DOCK8: variants seen among roughly 807,000 people sequenced by gnomAD.
DOCK8 encodes the protein dedicator of cytokinesis protein 8.
Under a neutral mutation model 245.6 loss-of-function variants are expected in DOCK8, and 141 were observed. That is an observed-to-expected ratio of 0.57 (90% CI 0.50 to 0.66). The LOEUF is 0.66. Ranked by LOEUF, DOCK8 falls within the 30% of genes least tolerant of loss-of-function variation. The pLI, the probability that DOCK8 is intolerant of heterozygous loss-of-function variation, is 0.00. For missense variants in DOCK8, 2,965 were observed against 2,603.4 expected, an observed-to-expected ratio of 1.14 and a Z score of -3.02; for synonymous variants, 1,168 against 970.2, an observed-to-expected ratio of 1.20 and a Z score of -3.79.
intron 11 of DOCK8, 113 bp from the exon 12 acceptor site, chr9:336,469 C>A: frequency 7.2e-7 from 1 of 1,396,414 alleles, no homozygotes; most frequent in Non-Finnish European, 1.0e-6. Flanking sequence ...ACAAGGATGG[C>A]CATATTCAGT....
intron 24 of DOCK8, among the ~76,000 whole-genome samples, chr9:396,172 G>A (rs1279244994): frequency 6.6e-6 from 1 of 152,230 alleles, no homozygotes; most frequent in Non-Finnish European, 1.5e-5. Context: ...GTTCTAAATA[G>A]TGGTTCTGTT....
intron 46 of DOCK8, 76 bp downstream of exon 46, chr9:452,193 A>G: frequency 1.1e-6 from 1 of 924,090 alleles, no homozygotes. Flanking sequence ...CAGCTTCAGC[A>G]TCACCTGAGA....
intron 1 of DOCK8, among the ~76,000 whole-genome samples, chr9:255,394 G>A (rs1425185740): frequency 1.3e-5 from 2 of 152,050 alleles, no homozygotes; most frequent in East Asian, 1.9e-4. Flanking sequence ...CAGGCAGAGC[G>A]CGGTGGCTCA....
intron 2 of DOCK8, among the ~76,000 whole-genome samples, chr9:275,155 G>C (rs1053499289): frequency 6.6e-6 from 1 of 152,156 alleles, no homozygotes; most frequent in Non-Finnish European, 1.5e-5. Context: ...GCTGTCCCTA[G>C]TAGGGAATAT....
At chr9:243,992 G>T (rs553628258) in intron 1 of DOCK8, among the ~76,000 whole-genome samples, 1 of 151,990 alleles carries the variant, frequency 6.6e-6, no homozygotes, top group South Asian at 2.1e-4. Flanking sequence ...AGACCATCCT[G>T]GCTAACATGG....
rs149024372 is a variant in DOCK8, at chr9:384,870, C to T, written c.2779-1461C>T. 4.4e-3 allele frequency among the ~76,000 whole-genome samples: 664 copies of T among 152,158 alleles called. 7 individuals are homozygous for T. Among genetic ancestry groups the T allele is most frequent in the African/African-American group, 0.014 (595 of 41,514 alleles). On this transcript the variant is annotated intron_variant, in intron 22 of 47. Coordinates refer to ENST00000432829, the MANE Select transcript of DOCK8 (RefSeq NM_203447.4). ...GGCGGAGCTTGCAGTAAGCCAAGAT[C>T]GTGCCACCGCACTCCAGCCTGGGCA... is the stretch of plus-strand genomic sequence containing the variant.
intron 1 of DOCK8, among the ~76,000 whole-genome samples, chr9:261,888 G>C (rs1465910212): frequency 6.6e-6 from 1 of 151,986 alleles, no homozygotes; most frequent in Non-Finnish European, 1.5e-5. Flanking sequence ...TTGTCTGATA[G>C]TACTATAGCT....
At chr9:293,482 A>T (rs1184520451) in intron 4 of DOCK8, among the ~76,000 whole-genome samples, 2 of 152,238 alleles carry the variant, frequency 1.3e-5, no homozygotes, top group Admixed American at 6.5e-5. Flanking sequence ...GATTCATATA[A>T]ATGAAACCAG....
At chr9:241,846 T>C (rs2047380638) in intron 1 of DOCK8, among the ~76,000 whole-genome samples, 1 of 152,158 alleles carries the variant, frequency 6.6e-6, no homozygotes, top group Non-Finnish European at 1.5e-5. Context: ...TTGTTAAAGA[T>C]GGAGTAATCC....
intron 6 of DOCK8, among the ~76,000 whole-genome samples, chr9:316,420 TAAAC>T (rs1410460947): frequency 6.6e-6 from 1 of 152,198 alleles, no homozygotes; most frequent in Non-Finnish European, 1.5e-5. Context: ...TGCGGTAAAA[TAAAC>T]AGGTAGAGCT....
intron 1 of DOCK8, among the ~76,000 whole-genome samples, chr9:266,396 C>T (rs1406302127): frequency 1.6e-5 from 2 of 127,052 alleles, no homozygotes; most frequent in African/African-American, 5.7e-5. Flanking sequence ...AATGAATGAA[C>T]CAACCATTCC....
chr9:310,371 T>A (rs1011291234), intron 5 of DOCK8, among the ~76,000 whole-genome samples: 9 of 152,214 alleles, frequency 5.9e-5, no homozygotes, highest in African/African-American at 1.7e-4. Context: ...TTAAAAAAAA[T>A]TTTCACAAAG....
At chr9:386,462 T>G (rs1283582789) in intron 23 of DOCK8, 36 bp downstream of exon 23, 1 of 1,581,570 alleles carries the variant, frequency 6.3e-7, no homozygotes, top group East Asian at 2.2e-5. Flanking sequence ...CATCCCAGGA[T>G]AAGAACAGAA....
chr9:342,594 C>G (rs938431831), intron 14 of DOCK8, among the ~76,000 whole-genome samples: 1 of 151,918 alleles, frequency 6.6e-6, no homozygotes, highest in African/African-American at 2.4e-5. Flanking sequence ...CTCAGCTGCC[C>G]GAGTAGCTGG....
intron 24 of DOCK8, among the ~76,000 whole-genome samples, chr9:393,718 G>A (rs2054310402): frequency 6.6e-6 from 1 of 152,224 alleles, no homozygotes; most frequent in Non-Finnish European, 1.5e-5. Flanking sequence ...GCTGATCTAA[G>A]CATATTGCAG....
At chr9:422,649 G>A (rs944289300) in intron 33 of DOCK8, among the ~76,000 whole-genome samples, 1 of 152,180 alleles carries the variant, frequency 6.6e-6, no homozygotes, top group Non-Finnish European at 1.5e-5. Context: ...ATGACATGGG[G>A]AAATGCTTAT....
chr9:407,995 C>G (rs1648703334), intron 28 of DOCK8, among the ~76,000 whole-genome samples: 1 of 152,164 alleles, frequency 6.6e-6, no homozygotes, highest in African/African-American at 2.4e-5. Flanking sequence ...AGAACGAAAT[C>G]TAAAGCCATG....
chr9:243,875 T>C (rs2047438625), intron 1 of DOCK8, among the ~76,000 whole-genome samples: 2 of 152,076 alleles, frequency 1.3e-5, no homozygotes, highest in Non-Finnish European at 2.9e-5. Context: ...ACTCCTCATC[T>C]TATTGACATG....
Position 382,573 on chromosome 9 carries a change from C to G in DOCK8, c.2666C>G (p.Ala889Gly). ...CACACGTATGGCCGCACATCAGCTGCTGCTGTGAGTTCAAAGCTGCTGCAG... is the reference window on the plus strand; with the variant it reads ...CACACGTATGGCCGCACATCAGCTGGTGCTGTGAGTTCAAAGCTGCTGCAG... The part of the protein sequence containing the change: ...SYHTYGRTSA[A>G]AVSSKLLQAR... Residue 889 changes from alanine (A) to glycine (G), a missense_variant, in exon 22 of 48, where the codon GCT becomes GGT. Ala to Gly is a moderately conservative substitution (Grantham distance 60). Around this residue, in one of 3 missense-constraint regions of DOCK8, gnomAD observed 2,825 missense variants for 2,453.5 expected, o/e 1.15. Transcript: ENST00000432829. 6.2e-7 allele frequency: 1 copy of G among 1,614,158 alleles called. No individual in the cohort carries two copies. The highest frequency in any genetic ancestry group is 8.5e-7 in the Non-Finnish European group (1 of 1,180,006).
Sources: gnomAD v4.1 joint callset for allele counts (sites outside exome capture counted in the v4.1 genomes callset) on GRCh38, gnomAD v4.1.1 for gene constraint, gnomAD v4.1.1 regional missense constraint, MANE v1.5 for transcripts, NCBI Gene and HGNC (gene_info 2026-07-23, HGNC 2026-07-21) for gene names.